The following MMP20 variants were observed in gnomAD, a reference collection of about 807,000 sequenced individuals.
MMP20 encodes matrix metalloproteinase-20.
In MMP20, 50 loss-of-function variants were observed where a neutral mutation model predicts 51.8. The ratio of observed to expected loss-of-function variants is 0.97; its 90% CI spans 0.77 to 1.22. MMP20 has a LOEUF of 1.22. Among genes scored for constraint, MMP20 ranks in the 50% most tolerant of loss-of-function variants. MMP20 has a pLI of 0.00. For synonymous variants in MMP20, 244 were observed against 216.2 expected, an observed-to-expected ratio of 1.13 and a Z score of -1.13; for missense variants, 663 against 601.4, an observed-to-expected ratio of 1.10 and a Z score of -1.07.
At chr11:102,594,886 T>G (rs1244909343) in intron 6 of MMP20, 129 bp from the exon 7 acceptor site, 5 of 1,215,326 alleles carry the variant, frequency 4.1e-6, no homozygotes, top group Non-Finnish European at 5.7e-6. Flanking sequence ...TGCCTTGCCT[T>G]GCCTTGTTTT....
rs745330683 is a variant in MMP20, at chr11:102,577,299, T to C, written c.*27A>G. The C allele has an allele frequency of 1.0e-5, 15 of 1,491,144 alleles. No homozygotes were observed. In the South Asian group the frequency reaches 1.6e-4, roughly 16 times the overall value. The allele number at this position is 1,491,144 out of a possible 1,614,324, so 92.4% of individuals were successfully genotyped here. ...TAGAGGCTGCTTGTAGTCATCCTCA[T>C]TGCTTGAGAAGACTAGGCTTTTCTA... On this transcript the variant is annotated 3_prime_UTR_variant, in exon 10 of 10. Transcript: ENST00000260228.
chr11:102,604,522 A>G (rs1591617098), intron 6 of MMP20, among the ~76,000 whole-genome samples: 2 of 152,174 alleles, frequency 1.3e-5, no homozygotes, highest in East Asian at 3.8e-4. Flanking sequence ...ACTGCCATTT[A>G]TTGACACTAT....
intron 6 of MMP20, among the ~76,000 whole-genome samples, chr11:102,603,317 G>GCTTA (rs1859472082): frequency 6.6e-6 from 1 of 152,186 alleles, no homozygotes; most frequent in Non-Finnish European, 1.5e-5. Flanking sequence ...CTTTGTCCAG[G>GCTTA]CTTAGCAAGC....
chr11:102,596,299 G>A (rs992017690), intron 6 of MMP20, among the ~76,000 whole-genome samples: 4 of 152,134 alleles, frequency 2.6e-5, no homozygotes, highest in Admixed American at 6.5e-5. Context: ...CTCATGTTTC[G>A]TAAGAGGCAT....
chr11:102,608,953 C>T lies in MMP20; in HGVS notation c.795G>A (p.Gly265=), dbSNP rs1349112163. The part of the protein sequence containing the change: ...GFHLPKDDVK[G]IQALYGPRKV... ...TAATCTTACCGTATAATGCCTGGAT[C>T]CCTTTCACATCATCTTTGGGGAGGT... The change falls in exon 5 of 10, where the codon GGG becomes GGA. Residue 265 remains glycine (G), a synonymous_variant. Transcript: ENST00000260228. 1.2e-6 allele frequency: 2 copies of T among 1,614,054 alleles called. No homozygotes were observed. The highest frequency in any genetic ancestry group is 8.5e-7 in the Non-Finnish European group (1 of 1,179,964).
chr11:102,593,757 A>C (rs1419191614), intron 7 of MMP20, among the ~76,000 whole-genome samples, 162 bp from the exon 8 acceptor site: 2 of 152,246 alleles, frequency 1.3e-5, no homozygotes, highest in East Asian at 3.8e-4. Flanking sequence ...TCAGTTCAGT[A>C]AAAGACTTCA....
chr11:102,583,547 A>G (rs750712275), intron 8 of MMP20: 7 of 152,238 alleles, frequency 4.6e-5, no homozygotes, highest in Middle Eastern at 3.1e-3. Context: ...AGGGTATACC[A>G]TATAGCCTAA....
At chr11:102,578,613 G>A (rs1022476843) in intron 9 of MMP20, among the ~76,000 whole-genome samples, 1 of 152,198 alleles carries the variant, frequency 6.6e-6, no homozygotes, top group Non-Finnish European at 1.5e-5. Context: ...GCCAGCGCCT[G>A]TAGTCCCAGC....
intron 8 of MMP20, among the ~76,000 whole-genome samples, chr11:102,592,927 T>C (rs2135933362): frequency 6.6e-6 from 1 of 152,350 alleles, no homozygotes. Flanking sequence ...TGAAATTATA[T>C]GTTTTCCTTT....
chr11:102,615,907 C>T (rs1354704647), intron 2 of MMP20, among the ~76,000 whole-genome samples: 3 of 152,150 alleles, frequency 2.0e-5, no homozygotes, highest in African/African-American at 7.2e-5. Flanking sequence ...GCACCATCCA[C>T]CCCTACCTCA....
intron 4 of MMP20, 25 bp downstream of exon 4, chr11:102,609,880 G>C (rs771475290): frequency 3.7e-6 from 6 of 1,613,956 alleles, no homozygotes; most frequent in Middle Eastern, 1.6e-4. Flanking sequence ...TATTTTCCAG[G>C]TTATGGTGAA....
chr11:102,584,002 T>G (rs1191064800), intron 8 of MMP20, among the ~76,000 whole-genome samples: 2 of 152,214 alleles, frequency 1.3e-5, no homozygotes, highest in Non-Finnish European at 2.9e-5. Flanking sequence ...TGTATGAATT[T>G]ATCACATTTT....
At chr11:102,581,429 T>C (rs1051733034) in intron 8 of MMP20, among the ~76,000 whole-genome samples, 2 of 152,112 alleles carry the variant, frequency 1.3e-5, no homozygotes, top group South Asian at 4.2e-4. Flanking sequence ...TAAAAAGTGT[T>C]GGAGGCAGTC....
intron 3 of MMP20, among the ~76,000 whole-genome samples, chr11:102,610,755 G>GT (rs1311000909): frequency 0.015 from 2,128 of 146,406 alleles, 29 homozygotes; most frequent in Middle Eastern, 0.035. Flanking sequence ...CCCAGTTTTA[G>GT]TTTGTTTTTT....
chr11:102,606,232 G>A (rs1859513493), intron 6 of MMP20, among the ~76,000 whole-genome samples: 1 of 152,186 alleles, frequency 6.6e-6, no homozygotes, highest in South Asian at 2.1e-4. Context: ...TGCTGTCTTT[G>A]AGCTGCTTTC....
chr11:102,597,161 G>C lies in MMP20; in HGVS notation c.954-2404C>G, dbSNP rs955344399. Among the ~76,000 whole-genome samples the C allele has an allele frequency of 6.6e-5, 10 of 152,324 alleles. No individual in the cohort carries two copies. The East Asian group carries it at 1.9e-3, about 29-fold the overall frequency. Reference sequence around the variant, plus strand: ...CTGTCTGAATGATGTCTCTGATGAGGTGTAGTAGACTTCCAGCTGCTTTCT... The same window carrying C: ...CTGTCTGAATGATGTCTCTGATGAGCTGTAGTAGACTTCCAGCTGCTTTCT... On this transcript the variant is annotated intron_variant, in intron 6 of 9. Coordinates refer to ENST00000260228, the MANE Select transcript of MMP20 (RefSeq NM_004771.4).
chr11:102,600,018 T>A, intron 6 of MMP20, among the ~76,000 whole-genome samples: 1 of 152,196 alleles, frequency 6.6e-6, no homozygotes, highest in East Asian at 1.9e-4. Flanking sequence ...CAGAATCAGG[T>A]GGTTCAGAAG....
rs145904752 is a variant in MMP20 at position 102,611,869 on chromosome 11, C to T, written c.409G>A (p.Glu137Lys). The T allele has an allele frequency of 9.7e-5, 157 of 1,614,130 alleles. No individual in the cohort carries two copies. In the African/African-American group the frequency reaches 1.8e-3, roughly 18 times the overall value. ...SKYTPSMSSV[E>K]VDKAVEMALQ... ...GCCATCTCCACTGCTTTGTCCACCT[C>T]GACAGAACTCATGGAAGGTGTGTAT... The change falls in exon 3 of 10, where the codon GAG becomes AAG. Residue 137 changes from glutamate to lysine, a missense_variant. Transcript: ENST00000260228.
At chr11:102,607,392 A>G (rs574964501) in intron 5 of MMP20, 2 of 153,270 alleles carry the variant, frequency 1.3e-5, no homozygotes, top group East Asian at 3.9e-4. Context: ...GAGCCTGCAC[A>G]GCTTGGACTG....
Sources: gnomAD v4.1 joint callset for allele counts (sites outside exome capture counted in the v4.1 genomes callset) on GRCh38, gnomAD v4.1.1 for gene constraint, MANE v1.5 for transcripts, NCBI Gene and HGNC (gene_info 2026-07-23, HGNC 2026-07-21) for gene names.